Variants in UNC80 observed in about 807,000 individuals in gnomAD.
UNC80 encodes the protein protein unc-80 homolog.
Under a neutral mutation model 384.6 loss-of-function variants are expected in UNC80, and 164 were observed. The ratio of observed to expected loss-of-function variants is 0.43; its 90% CI spans 0.38 to 0.49. UNC80 has a LOEUF of 0.49. UNC80 is among the 20% of genes least tolerant of loss of function. The pLI is 0.00. For synonymous variants in UNC80, 1,486 were observed against 1,527.8 expected (o/e 0.97, Z 0.64); for missense variants, 3,330 against 4,143.0 (o/e 0.80, Z 5.39).
chr2:209,976,964 A>T lies in UNC80; in HGVS notation c.8824A>T (p.Ile2942Phe). The T allele has an allele frequency of 6.5e-7, 1 of 1,532,548 alleles. No homozygotes were observed. The highest frequency in any genetic ancestry group is 8.8e-7 in the Non-Finnish European group (1 of 1,131,038). The allele number at this position is 1,532,548 out of a possible 1,614,324, so 94.9% of individuals were successfully genotyped here. A position where few individuals can be genotyped will look rare whatever the true frequency, so the allele number is the denominator to read the frequency against. ...TGAAGAGCTTTCCGCCCGGCAACAT[A>T]TTGCCGACCAGCTGGAGCGGCGCTT... is the stretch of plus-strand genomic sequence containing the variant. Reference protein sequence around the residue: ...NHEELSARQHIADQLERRFIP... With the variant: ...NHEELSARQHFADQLERRFIP... Residue 2942 changes from isoleucine to phenylalanine, a missense_variant, in exon 58 of 65, where the codon ATT becomes TTT. Physicochemically the swap from Ile to Phe is conservative, Grantham distance 21. Transcript: ENST00000673920. This position sits in a 1 kb window ranked among gnomAD's most constrained non-coding sequence, Gnocchi z 4.3.
intron 20 of UNC80, among the ~76,000 whole-genome samples, chr2:209,841,261 A>C (rs1335983228): frequency 6.6e-6 from 1 of 152,090 alleles, no homozygotes; most frequent in Non-Finnish European, 1.5e-5. Context: ...TGTACAAATT[A>C]TTTGCTTGCA....
rs2082379049 is a variant in UNC80, at chr2:209,849,574, A to G, written c.3578A>G (p.Glu1193Gly). 3 of 1,550,838 alleles carry G rather than the reference A, an allele frequency of 1.9e-6. No individual in the cohort carries two copies. Among genetic ancestry groups the G allele is most frequent in the Non-Finnish European group, 2.6e-6 (3 of 1,146,530 alleles). ...KRFQFLLNCC[E>G]PGTIPDASIL... Reference sequence around the variant, plus strand: ...TTCCAATTTCTGTTAAACTGCTGTGAGCCAGGGACAATTCCTGATGCCTCC... The same window carrying G: ...TTCCAATTTCTGTTAAACTGCTGTGGGCCAGGGACAATTCCTGATGCCTCC... Residue 1193 changes from glutamate to glycine, a missense_variant, in exon 22 of 65, where the codon GAG (glutamate) becomes GGG (glycine). Physicochemically the swap from Glu to Gly is moderately conservative, Grantham distance 98. Coordinates refer to ENST00000673920, the MANE Select transcript of UNC80 (RefSeq NM_001371986.1).
intron 25 of UNC80, among the ~76,000 whole-genome samples, chr2:209,884,397 C>A (rs999931711): frequency 6.6e-6 from 1 of 152,146 alleles, no homozygotes; most frequent in African/African-American, 2.4e-5. Flanking sequence ...CATATTGGGT[C>A]CTTTTGTGCA....
At chr2:209,779,166 T>A (rs779756391) in intron 4 of UNC80, among the ~76,000 whole-genome samples, 2 of 152,296 alleles carry the variant, frequency 1.3e-5, no homozygotes, top group Non-Finnish European at 2.9e-5. Flanking sequence ...ATAGGGACTG[T>A]CCACCTGGCC....
intron 13 of UNC80, among the ~76,000 whole-genome samples, chr2:209,822,672 A>C (rs1172806145): frequency 1.3e-5 from 2 of 152,204 alleles, no homozygotes; most frequent in Non-Finnish European, 2.9e-5. Context: ...GTTTATAATT[A>C]GTGTTTTGTT....
At chr2:209,867,599 G>C (rs755943645) in intron 22 of UNC80, among the ~76,000 whole-genome samples, 5 of 151,878 alleles carry the variant, frequency 3.3e-5, no homozygotes. Context: ...ATCCACTGAG[G>C]GTGGCTCCTT....
chr2:209,894,104 A>G (rs2086595761), intron 26 of UNC80, 59 bp from the exon 27 acceptor site: 8 of 972,636 alleles, frequency 8.2e-6, no homozygotes, highest in South Asian at 9.5e-5. Context: ...AGAGATGGAT[A>G]TAACACTGGC....
intron 24 of UNC80, among the ~76,000 whole-genome samples, chr2:209,878,420 T>C (rs143661032): frequency 6.6e-6 from 1 of 152,234 alleles, no homozygotes. Context: ...GAAAATTTAC[T>C]GTCCTAGAAG....
chr2:209,922,250 A>G lies in UNC80; in HGVS notation c.5531-2A>G, dbSNP rs749235682. 2 of 1,551,992 alleles carry G rather than the reference A, an allele frequency of 1.3e-6. No individual in the cohort carries two copies. Among genetic ancestry groups the G allele is most frequent in the South Asian group, 2.4e-5 (2 of 84,030 alleles). On this transcript the variant is annotated splice_acceptor_variant, in intron 34 of 64. Coordinates refer to ENST00000673920, the MANE Select transcript of UNC80 (RefSeq NM_001371986.1). LOFTEE classifies it high-confidence loss of function. ...GTTCACATTCCCCATTTTGTTTGCC[A>G]GTAGAAGAAGTCACCAATCTGGCAT...
intron 61 of UNC80, among the ~76,000 whole-genome samples, chr2:209,991,079 G>A (rs1384549687): frequency 6.6e-6 from 1 of 152,142 alleles, no homozygotes; most frequent in East Asian, 1.9e-4. Context: ...TACTGCAGCT[G>A]GGTATTTAAG....
chr2:209,803,165 T>G (rs1443443718), intron 7 of UNC80, among the ~76,000 whole-genome samples: 2 of 152,208 alleles, frequency 1.3e-5, no homozygotes, highest in East Asian at 3.8e-4. Flanking sequence ...TTTTCCATAT[T>G]TTATTGGTCA....
At chr2:209,881,125 G>GT (rs1381351675) in intron 25 of UNC80, 31 bp downstream of exon 25, 1 of 1,550,412 alleles carries the variant, frequency 6.4e-7, no homozygotes, top group African/African-American at 1.4e-5. Flanking sequence ...TAATAATCAG[G>GT]TTACTCGGAG....
At chr2:209,941,906 T>G (rs1369464901) in intron 44 of UNC80, among the ~76,000 whole-genome samples, 1 of 152,042 alleles carries the variant, frequency 6.6e-6, no homozygotes, top group Non-Finnish European at 1.5e-5. Context: ...AGACCACATC[T>G]CTAAAACAAA....
intron 31 of UNC80, among the ~76,000 whole-genome samples, chr2:209,917,128 A>G (rs2089609454): frequency 6.6e-6 from 1 of 152,192 alleles, no homozygotes; most frequent in Non-Finnish European, 1.5e-5. Context: ...TGACATACTC[A>G]TGTAGGGTAT....
chr2:209,777,056 G>A (rs2076907143), intron 3 of UNC80, among the ~76,000 whole-genome samples: 1 of 152,206 alleles, frequency 6.6e-6, no homozygotes, highest in African/African-American at 2.4e-5. Flanking sequence ...AAGTGATTCA[G>A]CAGTTTCTGC....
rs183446588 is a variant in UNC80 at position 209,920,987 on chromosome 2, C to T, written c.5344-513C>T. 2.6e-5 allele frequency among the ~76,000 whole-genome samples: 4 copies of T among 152,192 alleles called. No individual in the cohort carries two copies. In the East Asian group the frequency reaches 7.7e-4, roughly 29 times the overall value. On this transcript the variant is annotated intron_variant, in intron 33 of 64. Coordinates refer to ENST00000673920, the MANE Select transcript of UNC80 (RefSeq NM_001371986.1). ...GGATTACAGGCTTGCGCCACCACGC[C>T]CAGCTAATTTTTGTATTTTTAGTAG...
chr2:209,991,603 A>G (rs1457772637), intron 61 of UNC80, among the ~76,000 whole-genome samples: 2 of 152,214 alleles, frequency 1.3e-5, no homozygotes, highest in Non-Finnish European at 2.9e-5. Context: ...ATCTAAAACC[A>G]TTTTTAAAAA....
intron 29 of UNC80, among the ~76,000 whole-genome samples, chr2:209,906,150 A>G (rs1358037741): frequency 6.6e-6 from 1 of 152,192 alleles, no homozygotes; most frequent in Non-Finnish European, 1.5e-5. Flanking sequence ...GTAAGAGATA[A>G]TATGTACATC....
intron 47 of UNC80, among the ~76,000 whole-genome samples, chr2:209,953,899 G>A (rs909511868): frequency 6.6e-6 from 1 of 152,110 alleles, no homozygotes; most frequent in African/African-American, 2.4e-5. Flanking sequence ...AAGATTCATC[G>A]CCTTTTAGCA....
Sources: allele counts gnomAD v4.1 joint callset (sites outside exome capture counted in the v4.1 genomes callset), GRCh38; gene constraint gnomAD v4.1.1; non-coding constraint Gnocchi (gnomAD v3.1); transcripts MANE v1.5; gene names NCBI Gene and HGNC (gene_info 2026-07-23, HGNC 2026-07-21).